The following UBOX5 variants were observed in gnomAD, a reference collection of about 807,000 sequenced individuals.
The protein encoded by UBOX5 is RING finger protein 37.
Under a neutral mutation model 39.0 loss-of-function variants are expected in UBOX5, and 28 were observed. The observed-to-expected ratio is 0.72, with a 90% CI of 0.53 to 0.98. UBOX5 has a LOEUF of 0.98. UBOX5 is among the 50% of genes least tolerant of loss of function. The probability of loss-of-function intolerance (pLI) is 0.00; values close to 1 mark genes in which losing one functional copy is unlikely to be tolerated. For missense variants in UBOX5, 585 were observed against 674.4 expected, an observed-to-expected ratio of 0.87 and a Z score of 1.47; for synonymous variants, 283 against 275.5, an observed-to-expected ratio of 1.03 and a Z score of -0.27.
chr20:3,130,654 C>T (rs1260807290), intron 1 of UBOX5, among the ~76,000 whole-genome samples: 1 of 152,078 alleles, frequency 6.6e-6, no homozygotes, highest in Admixed American at 6.6e-5. Context: ...AAAGGTTCTT[C>T]TTAACCCATT....
chr20:3,148,650 C>A lies in UBOX5; in HGVS notation c.-42+11116G>T, dbSNP rs371717914. The A allele has an allele frequency of 1.9e-6, 3 of 1,614,050 alleles. No homozygotes were observed. In the African/African-American group the frequency reaches 4.0e-5, roughly 22 times the overall value. Reference sequence around the variant, plus strand: ...TGCAAAATTAGTTCACCTTCTGAAACAGACAGGAGCTGAGAAGTCTCAGAT... The same window carrying A: ...TGCAAAATTAGTTCACCTTCTGAAAAAGACAGGAGCTGAGAAGTCTCAGAT... On this transcript the variant is annotated intron_variant, in intron 1 of 4. Transcript: ENST00000217173.
rs1276860310 is a variant in UBOX5, at chr20:3,149,805, G to A, written c.-42+9961C>T. On this transcript the variant is annotated intron_variant, in intron 1 of 4. Coordinates refer to ENST00000217173, the MANE Select transcript of UBOX5 (RefSeq NM_014948.4). This position sits in a 1 kb window ranked among gnomAD's most constrained non-coding sequence, Gnocchi z 4.1. ...GGCCGAGGCAGGCAGATCACTTGAG[G>A]TCAGGAGTTCAAGACCAGCCTGGCC... is the stretch of plus-strand genomic sequence containing the variant. Among the ~76,000 whole-genome samples the A allele has an allele frequency of 6.6e-6, 1 of 152,138 alleles. No individual in the cohort carries two copies. The highest frequency in any genetic ancestry group is 1.5e-5 in the Non-Finnish European group (1 of 68,024).
chr20:3,122,089 C>G lies in UBOX5; in HGVS notation c.550G>C (p.Gly184Arg). 2 of 1,614,230 alleles carry G rather than the reference C, an allele frequency of 1.2e-6. No homozygotes were observed. The highest frequency in any genetic ancestry group is 1.7e-6 in the Non-Finnish European group (2 of 1,180,040). Residue 184 changes from glycine to arginine, a missense_variant, in exon 3 of 5, where the codon GGT (glycine) becomes CGT (arginine). Transcript: ENST00000217173. Reference protein sequence around the residue: ...RICITHVTGGGIPCIKRLEVW... With the variant: ...RICITHVTGGRIPCIKRLEVW... Reference sequence around the variant, plus strand: ...TCCAACCGCTTGATACAAGGGATACCGCCGCCTGTCACATGGGTGATACAG... The same window carrying G: ...TCCAACCGCTTGATACAAGGGATACGGCCGCCTGTCACATGGGTGATACAG...
rs2066235282 is a variant in UBOX5 at position 3,109,349 on chromosome 20, T to C, written c.*757A>G. The C allele has an allele frequency of 1.3e-5, 2 of 152,254 alleles. 1 individual carries two copies. The highest frequency in any genetic ancestry group is 4.1e-4 in the South Asian group (2 of 4,834). The allele number at this position is 152,254 out of a possible 1,614,324, so 9.4% of individuals were successfully genotyped here. A position where few individuals can be genotyped will look rare whatever the true frequency, so the allele number is the denominator to read the frequency against. ...TCAGGGAGCAGTTTCTGAAGCCAGC[T>C]GAGCACAGCTGGCACTGGCCAGAGG... On this transcript the variant is annotated 3_prime_UTR_variant, in exon 5 of 5. Coordinates refer to ENST00000217173, the MANE Select transcript of UBOX5 (RefSeq NM_014948.4).
intron 1 of UBOX5, among the ~76,000 whole-genome samples, chr20:3,157,128 C>A (rs1292467693): frequency 6.6e-6 from 1 of 152,134 alleles, no homozygotes; most frequent in Non-Finnish European, 1.5e-5. Flanking sequence ...ACCGAACTTT[C>A]TCTAGGTGCT....
At chr20:3,146,883 A>G in intron 1 of UBOX5, 2 of 1,614,212 alleles carry the variant, frequency 1.2e-6, no homozygotes, top group Non-Finnish European at 1.7e-6. Context: ...ACCACACGGT[A>G]GCCAAGCCGA....
intron 4 of UBOX5, 182 bp from the exon 5 acceptor site, chr20:3,110,496 G>A: frequency 4.5e-6 from 3 of 659,348 alleles, no homozygotes; most frequent in Admixed American, 5.6e-5. Context: ...GAACCCGGGA[G>A]GCCTCTTCTC....
chr20:3,128,712 G>C (rs898293116), intron 1 of UBOX5, among the ~76,000 whole-genome samples: 1 of 152,060 alleles, frequency 6.6e-6, no homozygotes, highest in Non-Finnish European at 1.5e-5. Context: ...AAAATAAAAA[G>C]ATTAGTTAGG....
intron 1 of UBOX5, among the ~76,000 whole-genome samples, chr20:3,157,554 A>G (rs2066699002): frequency 6.6e-6 from 1 of 152,230 alleles, no homozygotes; most frequent in South Asian, 2.1e-4. Flanking sequence ...TAGATATAGT[A>G]TGACTAAGCC....
intron 1 of UBOX5, chr20:3,147,574 G>A: frequency 6.2e-7 from 1 of 1,614,146 alleles, no homozygotes; most frequent in South Asian, 1.1e-5. Flanking sequence ...GAGCTAACCT[G>A]ACAAACCCTG....
At chr20:3,110,538 C>T (rs117588681) in intron 4 of UBOX5, 11,069 of 569,954 alleles carry the variant, frequency 0.019, 151 homozygotes, top group Middle Eastern at 0.05. Context: ...AGTGCCTCTA[C>T]GAATGCTTGA....
chr20:3,117,814 A>T (rs560765314), intron 3 of UBOX5, among the ~76,000 whole-genome samples: 1 of 152,144 alleles, frequency 6.6e-6, no homozygotes, highest in South Asian at 2.1e-4. Flanking sequence ...CAACATGGCG[A>T]AACCCCATCT....
intron 2 of UBOX5, among the ~76,000 whole-genome samples, chr20:3,122,910 C>T (rs1254146468): frequency 6.6e-6 from 1 of 151,988 alleles, no homozygotes; most frequent in Non-Finnish European, 1.5e-5. Flanking sequence ...AGCAAGACCC[C>T]ATATCCCTTT....
chr20:3,126,081 G>A (rs1226365407), intron 1 of UBOX5, among the ~76,000 whole-genome samples: 2 of 152,266 alleles, frequency 1.3e-5, no homozygotes, highest in Non-Finnish European at 2.9e-5. Flanking sequence ...AAAGGGAAAT[G>A]TGGGGAAAAG....
Position 3,115,437 on chromosome 20 carries a change from G to A in UBOX5, c.1285C>T (p.Gln429Ter). The change falls in exon 4 of 5, where the codon CAA becomes TAA. Residue 429 changes from glutamine to a stop codon, truncating the protein, a stop_gained. Transcript: ENST00000217173. LOFTEE classifies it high-confidence loss of function. ...GATGCCAAGGCAATTTCCAAGCTTT[G>A]TGACAGCTTCTGCTCGTGGGACAGT... ...GPLSHEQKLS[Q>*]SLEIALASTL... 1.9e-6 allele frequency: 3 copies of A among 1,613,906 alleles called. No individual in the cohort carries two copies. The highest frequency in any genetic ancestry group is 1.7e-6 in the Non-Finnish European group (2 of 1,179,884).
intron 4 of UBOX5, among the ~76,000 whole-genome samples, chr20:3,114,727 A>G (rs1008385464): frequency 6.6e-6 from 1 of 152,188 alleles, no homozygotes; most frequent in Non-Finnish European, 1.5e-5. Context: ...AGGCGGGCGG[A>G]TCACGAGGTC....
chr20:3,121,862 C>T lies in UBOX5; in HGVS notation c.777G>A (p.Val259=). The T allele has an allele frequency of 6.2e-7, 1 of 1,614,032 alleles. No individual in the cohort carries two copies. The highest frequency in any genetic ancestry group is 8.5e-7 in the Non-Finnish European group (1 of 1,180,030). ...TGATGGGATCCAGGAACTCCTCAGG[C>T]ACATCCTGAATGATCTCGGCCAGCT... ...LQKLAEIIQD[V]PEEFLDPITL... is the part of the protein sequence containing the mutation. Residue 259 remains valine (V), a synonymous_variant, in exon 3 of 5, where the codon GTG becomes GTA. Coordinates refer to ENST00000217173, the MANE Select transcript of UBOX5 (RefSeq NM_014948.4).
rs1230728726 is a variant in UBOX5, at chr20:3,109,798, A to C, written c.*308T>G. On this transcript the variant is annotated 3_prime_UTR_variant, in exon 5 of 5. Coordinates refer to ENST00000217173, the MANE Select transcript of UBOX5 (RefSeq NM_014948.4). ...CTGGACAGGGGGGTATGCGGACTGCACGGGGGGGCCCTCAGCAGGGGTCTT... is the reference window on the plus strand; with the variant it reads ...CTGGACAGGGGGGTATGCGGACTGCCCGGGGGGGCCCTCAGCAGGGGTCTT... The C allele has an allele frequency of 3.7e-5, 16 of 434,216 alleles. No homozygotes were observed. The East Asian group carries it at 7.9e-4, about 21-fold the overall frequency. The allele number at this position is 434,216 out of a possible 1,614,324, so 26.9% of individuals were successfully genotyped here.
chr20:3,129,050 T>C (rs574182041), intron 1 of UBOX5, among the ~76,000 whole-genome samples: 2 of 152,310 alleles, frequency 1.3e-5, no homozygotes, highest in South Asian at 4.1e-4. Context: ...GTCAGCCTTC[T>C]GTTCAAGCAT....
Sources: gnomAD v4.1 joint callset for allele counts (sites outside exome capture counted in the v4.1 genomes callset) on GRCh38, gnomAD v4.1.1 for gene constraint, Gnocchi (gnomAD v3.1) non-coding constraint, MANE v1.5 for transcripts, NCBI Gene and HGNC (gene_info 2026-07-23, HGNC 2026-07-21) for gene names.